CRISPLD2: variants seen among roughly 807,000 people sequenced by gnomAD.
The protein encoded by CRISPLD2 is cysteine rich secretory protein LCCL domain containing 2.
A neutral mutation model predicts 71.1 loss-of-function variants in CRISPLD2; 47 were observed. That is an observed-to-expected ratio of 0.66 (90% confidence interval 0.52 to 0.84). The LOEUF (loss-of-function observed/expected upper bound fraction) is 0.84, where lower values mean the gene tolerates loss of function less well. Ranked by LOEUF, CRISPLD2 falls within the 40% of genes least tolerant of loss-of-function variation. The pLI is 0.00. For missense variants in CRISPLD2, 830 were observed against 651.1 expected (o/e 1.27, Z -2.99); for synonymous variants, 317 against 250.1 (o/e 1.27, Z -2.52).
At chr16:84,904,129 C>G (rs1433702167) in intron 14 of CRISPLD2, among the ~76,000 whole-genome samples, 1 of 152,130 alleles carries the variant, frequency 6.6e-6, no homozygotes, top group East Asian at 1.9e-4. Context: ...CGTGGTGGCC[C>G]TTGGTAGGCT....
At chr16:84,884,242 T>C (rs1330332907) in intron 13 of CRISPLD2, among the ~76,000 whole-genome samples, 1 of 152,226 alleles carries the variant, frequency 6.6e-6, no homozygotes, top group African/African-American at 2.4e-5. Context: ...GTCCCGCCTC[T>C]GATCTTTATC....
At chr16:84,832,853 T>A (rs993794455) in intron 1 of CRISPLD2, among the ~76,000 whole-genome samples, 11 of 152,176 alleles carry the variant, frequency 7.2e-5, no homozygotes, top group Non-Finnish European at 2.9e-5. Flanking sequence ...TCTCCCTCAC[T>A]CACTTCTGAG....
rs1301117917 is a variant in CRISPLD2 at position 84,900,546 on chromosome 16, CATCACACAGCGCTG to C, written c.1440-6041_1440-6028del. ...CAAGACATCACACAGCGCTGGGAGG[CATCACACAGCGCTG>C]GGAGGCATCGCACAGCCCCGTTGTC... On this transcript the variant is annotated intron_variant, in intron 14 of 14. Coordinates refer to ENST00000262424, the MANE Select transcript of CRISPLD2 (RefSeq NM_031476.4). 1.4e-3 allele frequency among the ~76,000 whole-genome samples: 11 copies of C among 7,786 alleles called. No homozygotes were observed. The Admixed American group carries it at 0.028, about 20-fold the overall frequency. 5.1% of individuals were successfully genotyped at this position (7,786 alleles called of 152,430 possible).
intron 6 of CRISPLD2, among the ~76,000 whole-genome samples, chr16:84,855,947 A>T (rs1157065855): frequency 6.6e-6 from 1 of 152,254 alleles, no homozygotes; most frequent in Non-Finnish European, 1.5e-5. Context: ...TTTTCTTAGT[A>T]CAAGTGTATA....
chr16:84,838,445 G>T lies in CRISPLD2; in HGVS notation c.-51G>T. 1 of 1,584,940 alleles carries T rather than the reference G, an allele frequency of 6.3e-7. No individual in the cohort carries two copies. The highest frequency in any genetic ancestry group is 8.6e-7 in the Non-Finnish European group (1 of 1,163,668). ...AGAGCTCAAGCGCCCAGCTCTGCCC[G>T]AGGAGCCCAGGCTGCCCCGTGAGTC... On this transcript the variant is annotated 5_prime_UTR_variant, in exon 2 of 15. Transcript: ENST00000262424.
intron 14 of CRISPLD2, 109 bp from the exon 15 acceptor site, chr16:84,906,479 C>G (rs924668349): frequency 9.0e-7 from 1 of 1,106,702 alleles, no homozygotes; most frequent in African/African-American, 1.6e-5. Flanking sequence ...CATGGCTCTT[C>G]CACTACGGGA....
intron 14 of CRISPLD2, among the ~76,000 whole-genome samples, chr16:84,889,750 C>A (rs1597481618): frequency 8.4e-6 from 1 of 118,574 alleles, no homozygotes; most frequent in South Asian, 3.2e-4. Context: ...GGTTGTTTTT[C>A]TTTGTGTGTG....
At chr16:84,853,103 G>A (rs894018166) in intron 5 of CRISPLD2, among the ~76,000 whole-genome samples, 6 of 152,174 alleles carry the variant, frequency 3.9e-5, no homozygotes, top group Non-Finnish European at 5.9e-5. Flanking sequence ...AGGACCTGGT[G>A]CCCAGCCAGC....
At chr16:84,850,759 T>C in intron 5 of CRISPLD2, 76 bp downstream of exon 5, 1 of 1,166,352 alleles carries the variant, frequency 8.6e-7, no homozygotes, top group East Asian at 2.3e-5. Flanking sequence ...CAGTGAAAAC[T>C]GGCTTGAGCA....
intron 14 of CRISPLD2, among the ~76,000 whole-genome samples, chr16:84,900,559 TGGGAGGCATC>T (rs1402154910): frequency 2.3e-5 from 2 of 86,626 alleles, no homozygotes; most frequent in East Asian, 3.1e-4. Flanking sequence ...CACACAGCGC[TGGGAGGCATC>T]GCACAGCCCC....
chr16:84,860,686 C>G (rs975890249), intron 6 of CRISPLD2, among the ~76,000 whole-genome samples: 1 of 152,202 alleles, frequency 6.6e-6, no homozygotes, highest in Admixed American at 6.5e-5. Context: ...AGCTCAGTGT[C>G]CCTAGCTTCA....
At chr16:84,889,130 C>T (rs537726452) in intron 13 of CRISPLD2, 100 bp from the exon 14 acceptor site, 2 of 1,506,720 alleles carry the variant, frequency 1.3e-6, no homozygotes, top group African/African-American at 1.4e-5. Context: ...GTCCACATCC[C>T]ACCAGCCAGG....
Position 84,857,632 on chromosome 16 carries a change from A to G in CRISPLD2, c.709+2803A>G, listed in dbSNP as rs115070483. Among the ~76,000 whole-genome samples, 952 of 152,310 alleles carry G rather than the reference A, an allele frequency of 6.3e-3. 8 individuals carry two copies. Among genetic ancestry groups the G allele is most frequent in the African/African-American group, 0.022 (894 of 41,574 alleles). On this transcript the variant is annotated intron_variant, in intron 6 of 14. Transcript: ENST00000262424. ...CACTGCCATCCCTCAAGCATGTCCT[A>G]GAAAGGGGCTGTACTGCCGCAGCTG...
chr16:84,847,533 C>A (rs1044627348), intron 3 of CRISPLD2, among the ~76,000 whole-genome samples: 1 of 152,076 alleles, frequency 6.6e-6, no homozygotes, highest in African/African-American at 2.4e-5. Context: ...CGCCTGTCAT[C>A]CCAGCTACTT....
intron 4 of CRISPLD2, among the ~76,000 whole-genome samples, chr16:84,849,997 A>T (rs946349913): frequency 1.3e-5 from 2 of 150,170 alleles, no homozygotes; most frequent in Non-Finnish European, 2.9e-5. Flanking sequence ...AAGTGTTGGG[A>T]TTACAGTTGT....
intron 12 of CRISPLD2, 40 bp downstream of exon 12, chr16:84,877,550 G>A: frequency 6.2e-7 from 1 of 1,600,116 alleles, no homozygotes; most frequent in Non-Finnish European, 8.6e-7. Flanking sequence ...TATGGAAGAT[G>A]TTAGAAGTAG....
chr16:84,863,499 C>A (rs1236724540), intron 6 of CRISPLD2, among the ~76,000 whole-genome samples: 1 of 152,188 alleles, frequency 6.6e-6, no homozygotes, highest in Non-Finnish European at 1.5e-5. Context: ...CCTCTCACCC[C>A]CACCTGTGTG....
intron 3 of CRISPLD2, among the ~76,000 whole-genome samples, chr16:84,846,551 G>A (rs1028186768): frequency 6.6e-6 from 1 of 152,138 alleles, no homozygotes; most frequent in Non-Finnish European, 1.5e-5. Context: ...ACCGCGCCTG[G>A]CCTGTAGTTT....
At chr16:84,830,215 G>C (rs1407088710) in intron 1 of CRISPLD2, among the ~76,000 whole-genome samples, 1 of 152,142 alleles carries the variant, frequency 6.6e-6, no homozygotes, top group East Asian at 1.9e-4. Flanking sequence ...CCAGCAACTT[G>C]GGAGGCTGAG....
Sources: gnomAD v4.1 joint callset for allele counts (sites outside exome capture counted in the v4.1 genomes callset) on GRCh38, gnomAD v4.1.1 for gene constraint, MANE v1.5 for transcripts, NCBI Gene and HGNC (gene_info 2026-07-23, HGNC 2026-07-21) for gene names.